Variants in PARP11 observed in about 807,000 individuals in gnomAD.
The protein encoded by PARP11 is protein mono-ADP-ribosyltransferase PARP11.
In PARP11, 31 loss-of-function variants were observed where a neutral mutation model predicts 42.9. The observed-to-expected ratio is 0.72, with a 90% confidence interval of 0.54 to 0.98. PARP11 has a LOEUF of 0.98. Ranked by LOEUF, PARP11 falls within the 50% of genes least tolerant of loss-of-function variation. PARP11 has a pLI of 0.00. For missense variants in PARP11, 365 were observed against 413.1 expected, an observed-to-expected ratio of 0.88 and a Z score of 1.01; for synonymous variants, 137 against 127.3, an observed-to-expected ratio of 1.08 and a Z score of -0.51.
intron 1 of PARP11, among the ~76,000 whole-genome samples, chr12:3,855,670 G>T (rs959840795): frequency 1.3e-5 from 2 of 152,170 alleles, no homozygotes; most frequent in African/African-American, 4.8e-5. Flanking sequence ...TGGATAGGAA[G>T]AATCAATATC....
chr12:3,819,020 T>C (rs1026217262), intron 6 of PARP11, among the ~76,000 whole-genome samples: 1 of 152,188 alleles, frequency 6.6e-6, no homozygotes, highest in East Asian at 1.9e-4. Context: ...TCCAAAACCT[T>C]TGTCTCTAGT....
At chr12:3,841,120 C>T (rs1014990835) in intron 1 of PARP11, 13 of 1,610,772 alleles carry the variant, frequency 8.1e-6, no homozygotes, top group African/African-American at 1.3e-5. Flanking sequence ...AGTTAACCAG[C>T]CCTTGATGCC....
chr12:3,835,973 A>G lies in PARP11; in HGVS notation c.19-5955T>C, dbSNP rs140403108. 7.9e-4 allele frequency among the ~76,000 whole-genome samples: 120 copies of G among 152,206 alleles called. 2 individuals carry two copies. The highest frequency in any genetic ancestry group is 2.9e-3 in the African/African-American group (119 of 41,568). ...GGAGGAGAGAGAAAAAGGCACAGGA[A>G]AAACTTTAAAGAAAGTAAAACTATC... On this transcript the variant is annotated intron_variant, in intron 1 of 7. Transcript: ENST00000228820.
intron 6 of PARP11, among the ~76,000 whole-genome samples, chr12:3,815,452 T>C (rs879508665): frequency 6.6e-6 from 1 of 152,244 alleles, no homozygotes; most frequent in Non-Finnish European, 1.5e-5. Context: ...TTTGAACACC[T>C]ACCTAGGCTT....
intron 1 of PARP11, chr12:3,839,503 T>G: frequency 6.2e-7 from 1 of 1,602,922 alleles, no homozygotes; most frequent in Middle Eastern, 1.7e-4. Flanking sequence ...CAGAATGGCC[T>G]GTATTCACTG....
At chr12:3,864,596 G>A (rs1948356939) in intron 1 of PARP11, among the ~76,000 whole-genome samples, 2 of 152,056 alleles carry the variant, frequency 1.3e-5, no homozygotes, top group South Asian at 4.1e-4. Context: ...AACAGATGTT[G>A]GACTATTTGT....
intron 3 of PARP11, 119 bp downstream of exon 3, chr12:3,828,791 T>C (rs1947580069): frequency 1.2e-6 from 1 of 834,680 alleles, no homozygotes; most frequent in Non-Finnish European, 1.8e-6. Context: ...TTTTTGTATA[T>C]AACAAAAAAG....
intron 1 of PARP11, among the ~76,000 whole-genome samples, chr12:3,862,628 G>C (rs148338166): frequency 1.2e-3 from 178 of 149,928 alleles, no homozygotes; most frequent in African/African-American, 4.2e-3. Flanking sequence ...TTATAGTATA[G>C]CAAAGTATGG....
chr12:3,832,097 G>T, intron 1 of PARP11: 1 of 946,094 alleles, frequency 1.1e-6, no homozygotes, highest in Non-Finnish European at 1.3e-6. Flanking sequence ...TGTGTGCTCC[G>T]CTATAAAACA....
chr12:3,822,523 C>G (rs1036843749), intron 4 of PARP11, among the ~76,000 whole-genome samples: 1 of 147,696 alleles, frequency 6.8e-6, no homozygotes, highest in Non-Finnish European at 1.5e-5. Flanking sequence ...GGCGTGAACC[C>G]GGGAGGCGGA....
chr12:3,813,311 T>C (rs569388624), intron 7 of PARP11, among the ~76,000 whole-genome samples: 1 of 152,338 alleles, frequency 6.6e-6, no homozygotes, highest in African/African-American at 2.4e-5. Flanking sequence ...GAATCCCATA[T>C]CCATGAAAAG....
Position 3,810,727 on chromosome 12 carries a change from A to G in PARP11, c.*1396T>C, listed in dbSNP as rs1425102001. The G allele has an allele frequency of 6.7e-6, 1 of 149,956 alleles. No individual in the cohort carries two copies. Among genetic ancestry groups the G allele is most frequent in the South Asian group, 2.1e-4 (1 of 4,720 alleles). 9.3% of individuals were successfully genotyped at this position (149,956 alleles called of 1,614,324 possible). On this transcript the variant is annotated 3_prime_UTR_variant, in exon 8 of 8. Transcript: ENST00000228820. ...GAGAGAGAGAAGAGAAGAGAAAGAG[A>G]AAGAGAAAGAGGAAGAGAAAAAGGA... is the stretch of plus-strand genomic sequence containing the variant.
intron 6 of PARP11, 108 bp from the exon 7 acceptor site, chr12:3,814,296 C>G (rs536249559): frequency 1.2e-4 from 96 of 794,968 alleles, no homozygotes; most frequent in Non-Finnish European, 1.6e-4. Flanking sequence ...ACAGGAAATA[C>G]TTTAATATAA....
Position 3,832,007 on chromosome 12 carries a change from C to T in PARP11, c.19-1989G>A, listed in dbSNP as rs955571661. The T allele has an allele frequency of 1.4e-5, 4 of 279,280 alleles. No homozygotes were observed. The Admixed American group carries it at 2.6e-4, about 18-fold the overall frequency. The allele number at this position is 279,280 out of a possible 1,614,324, so 17.3% of individuals were successfully genotyped here. On this transcript the variant is annotated intron_variant, in intron 1 of 7. Coordinates refer to ENST00000228820, the MANE Select transcript of PARP11 (RefSeq NM_020367.6). ...AGCTAATAGTTAAGAAAAATATTTG[C>T]CTTACGAGTTCTATCTTTTCTCTAT... is the stretch of plus-strand genomic sequence containing the variant.
chr12:3,839,426 A>T (rs1947842247), intron 1 of PARP11: 3 of 1,596,312 alleles, frequency 1.9e-6, no homozygotes, highest in South Asian at 2.2e-5. Context: ...GTCGCCAAGG[A>T]CGGGTCGTGC....
At chr12:3,862,812 C>G (rs1441455188) in intron 1 of PARP11, among the ~76,000 whole-genome samples, 2 of 152,070 alleles carry the variant, frequency 1.3e-5, no homozygotes, top group Non-Finnish European at 2.9e-5. Context: ...CAATACTACA[C>G]TGTTTTGATT....
rs1948290579 is a variant in PARP11 at position 3,861,510 on chromosome 12, T to TA, written c.18+11701dup. Among the ~76,000 whole-genome samples, 2 of 152,210 alleles carry TA rather than the reference T, an allele frequency of 1.3e-5. No homozygotes were observed. The highest frequency in any genetic ancestry group is 6.5e-5 in the Admixed American group (1 of 15,288). On this transcript the variant is annotated intron_variant, in intron 1 of 7. Coordinates refer to ENST00000228820, the MANE Select transcript of PARP11 (RefSeq NM_020367.6). The surrounding 1 kb of genome is among the most constrained non-coding windows in gnomAD (Gnocchi z 4.6). Reference sequence around the variant, plus strand: ...GTCTATTCATATCTTTAGCTCACTTTAAAAAATTGAGTTCCTTCTCTTGAG... The same window carrying TA: ...GTCTATTCATATCTTTAGCTCACTTTAAAAAAATTGAGTTCCTTCTCTTGAG...
intron 1 of PARP11, among the ~76,000 whole-genome samples, chr12:3,865,116 GTTACC>G (rs1036183625): frequency 4.6e-5 from 7 of 151,778 alleles, no homozygotes; most frequent in Non-Finnish European, 5.9e-5. Context: ...TAATCCATGG[GTTACC>G]TTAAAGTGTT....
chr12:3,842,004 A>T (rs1196287210), intron 1 of PARP11: 2 of 1,611,160 alleles, frequency 1.2e-6, no homozygotes, highest in Admixed American at 3.3e-5. Flanking sequence ...CCCAGACACG[A>T]AAGGCAGATA....
Sources: gnomAD v4.1 joint callset for allele counts (sites outside exome capture counted in the v4.1 genomes callset) on GRCh38, gnomAD v4.1.1 for gene constraint, Gnocchi (gnomAD v3.1) non-coding constraint, MANE v1.5 for transcripts, NCBI Gene and HGNC (gene_info 2026-07-23, HGNC 2026-07-21) for gene names.